Variants in TAPT1 observed in about 807,000 individuals in gnomAD.
TAPT1 encodes transmembrane anterior posterior transformation 1, also known as transmembrane anterior posterior transformation protein 1 homolog.
In TAPT1, 28 loss-of-function variants were observed where a neutral mutation model predicts 65.6. That is an observed-to-expected ratio of 0.43 (90% CI 0.32 to 0.59). The LOEUF is 0.59. TAPT1 is among the 20% of genes least tolerant of loss of function. The pLI is 0.09. For missense variants in TAPT1, 563 were observed against 679.9 expected (o/e 0.83, Z 1.91); for synonymous variants, 278 against 245.2 (o/e 1.13, Z -1.25).
intron 12 of TAPT1, among the ~76,000 whole-genome samples, chr4:16,169,327 G>A (rs1278810114): frequency 6.6e-6 from 1 of 152,192 alleles, no homozygotes; most frequent in Non-Finnish European, 1.5e-5. Flanking sequence ...GCATATACAT[G>A]CTTCATTTCC....
Position 16,176,099 on chromosome 4 carries a change from G to A in TAPT1, c.1107+20C>T. The A allele has an allele frequency of 8.5e-7, 1 of 1,178,986 alleles. No homozygotes were observed. Among genetic ancestry groups the A allele is most frequent in the Non-Finnish European group, 1.2e-6 (1 of 835,376 alleles). The allele number at this position is 1,178,986 out of a possible 1,614,324, so 73.0% of individuals were successfully genotyped here. ...ACAGAAGTAAACTTTAAACATTGAA[G>A]TGCATATCAAAATACATACATCTGC... On this transcript the variant is annotated intron_variant, in intron 9 of 13. Coordinates refer to ENST00000405303, the MANE Select transcript of TAPT1 (RefSeq NM_153365.3).
chr4:16,204,200 C>T (rs779765459), intron 2 of TAPT1, among the ~76,000 whole-genome samples: 4 of 152,318 alleles, frequency 2.6e-5, no homozygotes, highest in Non-Finnish European at 4.4e-5. Flanking sequence ...TTCCCAGGAG[C>T]GTTTGTGATC....
At chr4:16,227,013 C>A (rs907137286), upstream of TAPT1, 1 of 451,498 alleles carries the variant, frequency 2.2e-6, no homozygotes, top group Non-Finnish European at 4.4e-6. Flanking sequence ...GGGGGCCCGG[C>A]TCCAGATCAC....
intron 2 of TAPT1, 69 bp from the exon 3 acceptor site, chr4:16,202,649 A>G (rs1750108111): frequency 1.2e-6 from 1 of 832,146 alleles, no homozygotes; most frequent in Non-Finnish European, 1.9e-6. Context: ...AAAATTCCAA[A>G]CAACCAGAAT....
At chr4:16,198,459 C>A (rs1749843759) in intron 3 of TAPT1, among the ~76,000 whole-genome samples, 1 of 151,810 alleles carries the variant, frequency 6.6e-6, no homozygotes, top group Non-Finnish European at 1.5e-5. Context: ...ATTAATTTGA[C>A]AAATGGACTG....
intron 2 of TAPT1, among the ~76,000 whole-genome samples, chr4:16,211,753 G>A (rs895000870): frequency 2.6e-5 from 4 of 152,048 alleles, no homozygotes; most frequent in Non-Finnish European, 5.9e-5. Flanking sequence ...TATAGGCAAT[G>A]TTCTCTAATA....
At chr4:16,211,834 T>C (rs999196741) in intron 2 of TAPT1, among the ~76,000 whole-genome samples, 1 of 152,236 alleles carries the variant, frequency 6.6e-6, no homozygotes, top group Non-Finnish European at 1.5e-5. Flanking sequence ...TTAGTGGTTC[T>C]ATAGTGGACC....
chr4:16,181,843 C>G (rs919496087), intron 7 of TAPT1, among the ~76,000 whole-genome samples: 4 of 152,220 alleles, frequency 2.6e-5, no homozygotes, highest in African/African-American at 9.6e-5. Context: ...GTTGGGATTA[C>G]AGGCGTGAGC....
Position 16,186,850 on chromosome 4 carries a change from T to C in TAPT1, c.777A>G (p.Gln259=). The C allele has an allele frequency of 1.9e-6, 3 of 1,611,692 alleles. No individual in the cohort carries two copies. The highest frequency in any genetic ancestry group is 2.5e-6 in the Non-Finnish European group (3 of 1,178,492). The part of the protein sequence containing the change: ...VFLHAILIMV[Q]ATTLNVAFNS... Reference sequence around the variant, plus strand: ...TAAAAGCTACATTGAGAGTTGTTGCTTGAACCATTATAAGAATTGCATGCA... The same window carrying C: ...TAAAAGCTACATTGAGAGTTGTTGCCTGAACCATTATAAGAATTGCATGCA... The change falls in exon 6 of 14, where the codon CAA becomes CAG. Residue 259 remains glutamine (Q), a synonymous_variant. Coordinates refer to ENST00000405303, the MANE Select transcript of TAPT1 (RefSeq NM_153365.3).
At chr4:16,192,819 A>G (rs994290979) in intron 3 of TAPT1, among the ~76,000 whole-genome samples, 1 of 152,128 alleles carries the variant, frequency 6.6e-6, no homozygotes, top group Non-Finnish European at 1.5e-5. Context: ...AATTGTGACA[A>G]TGTTCTAAGC....
chr4:16,226,173 G>A (rs1378874758), intron 1 of TAPT1, 86 bp downstream of exon 1: 2 of 1,057,896 alleles, frequency 1.9e-6, no homozygotes, highest in South Asian at 9.2e-5. Context: ...CGCGGCTCGG[G>A]GGCCGGGGTT....
intron 7 of TAPT1, among the ~76,000 whole-genome samples, chr4:16,185,455 G>A (rs1475514069): frequency 1.3e-5 from 2 of 150,570 alleles, no homozygotes; most frequent in Non-Finnish European, 1.5e-5. Context: ...TGCAACCTCC[G>A]CCTCCCAGGT....
At chr4:16,188,638 T>C (rs564979350) in intron 4 of TAPT1, among the ~76,000 whole-genome samples, 1 of 147,962 alleles carries the variant, frequency 6.8e-6, no homozygotes, top group Non-Finnish European at 1.5e-5. Flanking sequence ...TGGGCACATC[T>C]GGCCGGGCAC....
chr4:16,201,586 CAAAG>C (rs999852214), intron 3 of TAPT1, among the ~76,000 whole-genome samples: 4 of 152,100 alleles, frequency 2.6e-5, no homozygotes, highest in African/African-American at 9.7e-5. Flanking sequence ...CATAATTGTA[CAAAG>C]AAAGAAAACC....
chr4:16,162,882 TGAAA>T lies in TAPT1; in HGVS notation c.*422_*425del, dbSNP rs1747345387. 1 of 380,822 alleles carries T rather than the reference TGAAA, an allele frequency of 2.6e-6. No homozygotes were observed. The highest frequency in any genetic ancestry group is 5.5e-6 in the Non-Finnish European group (1 of 183,052). 23.6% of individuals were successfully genotyped at this position (380,822 alleles called of 1,614,324 possible). On this transcript the variant is annotated 3_prime_UTR_variant, in exon 14 of 14. Coordinates refer to ENST00000405303, the MANE Select transcript of TAPT1 (RefSeq NM_153365.3). ...TGAAGTAACGTTTGAAAACTGTTTGTGAAAATAGTATGAGACTGGAAAGATTACG... is the reference window on the plus strand; with the variant it reads ...TGAAGTAACGTTTGAAAACTGTTTGTATAGTATGAGACTGGAAAGATTACG...
At chr4:16,226,483 G>A (rs985302937), upstream of TAPT1, 4 of 1,045,546 alleles carry the variant, frequency 3.8e-6, no homozygotes, top group African/African-American at 3.4e-5. Flanking sequence ...AACTGTCCCC[G>A]CCGCCTCCCT....
rs1259804515 is a variant in TAPT1, at chr4:16,161,654, T to C, written c.*1654A>G. On this transcript the variant is annotated 3_prime_UTR_variant, in exon 14 of 14. Transcript: ENST00000405303. The stretch of plus-strand genomic sequence containing the variant: ...AAAGCAATTAAAACCTTTTTCATTT[T>C]TAACTTAAAATACTTCCTGGTTTCA... 1.3e-5 allele frequency: 2 copies of C among 152,374 alleles called. No individual in the cohort carries two copies. Among genetic ancestry groups the C allele is most frequent in the African/African-American group, 4.8e-5 (2 of 41,476 alleles). The allele number at this position is 152,374 out of a possible 1,614,324, so 9.4% of individuals were successfully genotyped here. A position where few individuals can be genotyped will look rare whatever the true frequency, so the allele number is the denominator to read the frequency against.
intron 3 of TAPT1, among the ~76,000 whole-genome samples, chr4:16,199,935 G>A (rs745918141): frequency 6.6e-6 from 1 of 152,090 alleles, no homozygotes; most frequent in Non-Finnish European, 1.5e-5. Context: ...GTACCCCCAC[G>A]TAACAGGGGC....
chr4:16,226,936 A>G, upstream of TAPT1: 1 of 392,706 alleles, frequency 2.5e-6, no homozygotes, highest in Non-Finnish European at 4.9e-6. Flanking sequence ...TCTTTTGCAG[A>G]CTCGGTGCCC....
Sources: allele counts gnomAD v4.1 joint callset (sites outside exome capture counted in the v4.1 genomes callset), GRCh38; gene constraint gnomAD v4.1.1; transcripts MANE v1.5; gene names NCBI Gene and HGNC (gene_info 2026-07-23, HGNC 2026-07-21).